Variants in ANKS1B observed in about 807,000 individuals in gnomAD.
ANKS1B encodes the protein ankyrin repeat and sterile alpha motif domain containing 1B.
Under a neutral mutation model 148.3 loss-of-function variants are expected in ANKS1B, and 36 were observed. That is an observed-to-expected ratio of 0.24 (90% CI 0.19 to 0.32). ANKS1B has a LOEUF of 0.32. ANKS1B is among the 10% of genes least tolerant of loss of function. ANKS1B has a pLI of 1.00. For missense variants in ANKS1B, 1,157 were observed against 1,542.6 expected (o/e 0.75, Z 4.19); for synonymous variants, 542 against 560.8 (o/e 0.97, Z 0.47).
chr12:99,177,810 A>AT (rs1049035726), intron 14 of ANKS1B, among the ~76,000 whole-genome samples: 1 of 151,696 alleles, frequency 6.6e-6, no homozygotes, highest in Middle Eastern at 3.4e-3. Context: ...TTGTTACTAA[A>AT]TTTTTTTTTC....
intron 17 of ANKS1B, among the ~76,000 whole-genome samples, chr12:99,033,956 G>T (rs2099953915): frequency 6.6e-6 from 1 of 152,204 alleles, no homozygotes. Context: ...AAGTGCTGAG[G>T]ACTAGAAATT....
chr12:99,863,224 C>T (rs1359198318), intron 1 of ANKS1B, among the ~76,000 whole-genome samples: 1 of 152,170 alleles, frequency 6.6e-6, no homozygotes, highest in African/African-American at 2.4e-5. Context: ...TCATGCATTT[C>T]CAGGCCCTGC....
intron 17 of ANKS1B, among the ~76,000 whole-genome samples, chr12:99,047,139 A>G (rs1210003659): frequency 6.6e-6 from 1 of 152,046 alleles, no homozygotes; most frequent in Non-Finnish European, 1.5e-5. Context: ...GTGGCTTACA[A>G]CTGTAATCCC....
intron 16 of ANKS1B, among the ~76,000 whole-genome samples, chr12:99,064,440 T>A (rs1478751806): frequency 6.7e-6 from 1 of 149,376 alleles, no homozygotes; most frequent in Admixed American, 6.9e-5. Context: ...CTAGAAGCAC[T>A]AGACTGGCCC....
In ANKS1B at chr12:99,946,390, T is replaced by C. The variant is rs533119053; in HGVS notation, c.134+37714A>G. 1.9e-4 allele frequency among the ~76,000 whole-genome samples: 29 copies of C among 152,290 alleles called. 1 individual carries two copies. The South Asian group carries it at 5.4e-3, about 28-fold the overall frequency. ...CAAATCTGAGATCAGGGTGCCAGCA[T>C]GGTAGAGTTCTGGTGTGCAGATGGC... On this transcript the variant is annotated intron_variant, in intron 1 of 26. Transcript: ENST00000683438.
At chr12:99,387,789 T>C (rs995367821) in intron 12 of ANKS1B, among the ~76,000 whole-genome samples, 2 of 151,916 alleles carry the variant, frequency 1.3e-5, no homozygotes, top group South Asian at 4.1e-4. Flanking sequence ...GTTTGTAAGT[T>C]ACCCAGTTTA....
intron 15 of ANKS1B, 57 bp downstream of exon 15, chr12:99,154,232 C>A: frequency 6.2e-7 from 1 of 1,601,850 alleles, no homozygotes; most frequent in Non-Finnish European, 8.5e-7. Context: ...CCATGTAAGA[C>A]ACATAAGAAG....
At chr12:99,578,976 G>A (rs937376119) in intron 9 of ANKS1B, among the ~76,000 whole-genome samples, 2 of 152,046 alleles carry the variant, frequency 1.3e-5, no homozygotes, top group African/African-American at 4.8e-5. Context: ...AACCAAAACA[G>A]CATGGTACTG....
chr12:99,778,789 A>G (rs940806217), intron 6 of ANKS1B, among the ~76,000 whole-genome samples: 7 of 152,152 alleles, frequency 4.6e-5, no homozygotes, highest in Admixed American at 3.9e-4. Flanking sequence ...AGAGAGCATA[A>G]TGGCCACATA....
chr12:98,773,443 G>T (rs2098622753), intron 24 of ANKS1B, among the ~76,000 whole-genome samples: 1 of 152,094 alleles, frequency 6.6e-6, no homozygotes, highest in South Asian at 2.1e-4. Context: ...AAGCAGTCTG[G>T]GTGGCGGCCA....
intron 9 of ANKS1B, among the ~76,000 whole-genome samples, chr12:99,596,410 T>C (rs1321112191): frequency 2.0e-5 from 3 of 151,774 alleles, no homozygotes; most frequent in Non-Finnish European, 4.4e-5. Context: ...TCTCCTCTTG[T>C]TATAAGGATA....
chr12:99,043,421 T>C, intron 17 of ANKS1B, among the ~76,000 whole-genome samples: 1 of 152,230 alleles, frequency 6.6e-6, no homozygotes, highest in East Asian at 1.9e-4. Flanking sequence ...AAACTGGCAG[T>C]GAATAATTTC....
chr12:99,040,167 T>A (rs986180495), intron 17 of ANKS1B, among the ~76,000 whole-genome samples: 12 of 152,126 alleles, frequency 7.9e-5, no homozygotes, highest in Non-Finnish European at 1.6e-4. Flanking sequence ...CCTTCCTTAG[T>A]ACAATTTCTA....
chr12:98,949,542 G>C (rs971698513), intron 17 of ANKS1B, among the ~76,000 whole-genome samples: 4 of 152,174 alleles, frequency 2.6e-5, no homozygotes, highest in African/African-American at 9.7e-5. Context: ...CTGAGGAAGG[G>C]GTTGGAGGAG....
chr12:98,785,917 T>G (rs1444690963), intron 22 of ANKS1B, among the ~76,000 whole-genome samples: 1 of 152,228 alleles, frequency 6.6e-6, no homozygotes, highest in East Asian at 1.9e-4. Flanking sequence ...GCGAACCTTC[T>G]GTTATCGTTT....
chr12:99,098,973 G>T (rs1337703019), intron 15 of ANKS1B, among the ~76,000 whole-genome samples: 1 of 152,078 alleles, frequency 6.6e-6, no homozygotes, highest in Non-Finnish European at 1.5e-5. Context: ...CGCTGGGCTT[G>T]GCACCTTAGA....
At chr12:99,367,701 A>G (rs1423124913) in intron 12 of ANKS1B, among the ~76,000 whole-genome samples, 1 of 152,162 alleles carries the variant, frequency 6.6e-6, no homozygotes, top group East Asian at 1.9e-4. Flanking sequence ...GGAAGTGAAG[A>G]CTGTCTTTAT....
intron 10 of ANKS1B, among the ~76,000 whole-genome samples, chr12:99,474,711 A>C (rs2096289452): frequency 6.6e-6 from 1 of 152,082 alleles, no homozygotes; most frequent in African/African-American, 2.4e-5. Flanking sequence ...AACATGAAGA[A>C]ATTTATAAAG....
intron 10 of ANKS1B, among the ~76,000 whole-genome samples, chr12:99,485,815 T>C (rs369585134): frequency 2.0e-5 from 3 of 152,172 alleles, no homozygotes; most frequent in Non-Finnish European, 2.9e-5. Context: ...TTCTAGTCTA[T>C]TGTTAAAACT....
Sources: gnomAD v4.1 joint callset for allele counts (sites outside exome capture counted in the v4.1 genomes callset) on GRCh38, gnomAD v4.1.1 for gene constraint, MANE v1.5 for transcripts, NCBI Gene and HGNC (gene_info 2026-07-23, HGNC 2026-07-21) for gene names.